FRK: variants seen among roughly 807,000 people sequenced by gnomAD.
FRK encodes the protein tyrosine-protein kinase FRK.
Under a neutral mutation model 56.4 loss-of-function variants are expected in FRK, and 51 were observed. The ratio of observed to expected loss-of-function variants is 0.90; its 90% CI spans 0.72 to 1.14. The LOEUF (loss-of-function observed/expected upper bound fraction) is 1.14. FRK is among the 50% of genes most tolerant of loss of function. The pLI is 0.00. For missense variants in FRK, 570 were observed against 601.4 expected (o/e 0.95, Z 0.55); for synonymous variants, 245 against 217.9 (o/e 1.12, Z -1.10).
intron 1 of FRK, among the ~76,000 whole-genome samples, chr6:116,058,312 G>C (rs1163276896): frequency 6.6e-6 from 1 of 152,094 alleles, no homozygotes; most frequent in Non-Finnish European, 1.5e-5. Flanking sequence ...TTTCCCACTT[G>C]ATAACTGATC....
the FRK span, among the ~76,000 whole-genome samples, chr6:116,070,833 A>T: frequency 6.6e-6 from 1 of 152,160 alleles, no homozygotes; most frequent in Non-Finnish European, 1.5e-5. Flanking sequence ...CTATGCCAAG[A>T]AATTGGATAG....
chr6:116,018,131 C>T (rs909019206), intron 1 of FRK, among the ~76,000 whole-genome samples: 3 of 152,166 alleles, frequency 2.0e-5, no homozygotes, highest in African/African-American at 7.2e-5. Flanking sequence ...AACCACTCCT[C>T]TTCCTCCTTT....
At chr6:115,973,980 A>T (rs547336756) in intron 2 of FRK, among the ~76,000 whole-genome samples, 2 of 152,318 alleles carry the variant, frequency 1.3e-5, no homozygotes, top group Admixed American at 1.3e-4. Context: ...GTAGAAGGAT[A>T]TCTAAATATA....
chr6:115,980,451 C>G (rs1774157390), intron 2 of FRK, among the ~76,000 whole-genome samples: 1 of 152,108 alleles, frequency 6.6e-6, no homozygotes, highest in African/African-American at 2.4e-5. Flanking sequence ...GAGCCCTGTA[C>G]TACTAAAGGA....
chr6:115,972,830 A>G (rs1018189401), intron 2 of FRK, among the ~76,000 whole-genome samples: 2 of 152,226 alleles, frequency 1.3e-5, no homozygotes, highest in African/African-American at 4.8e-5. Context: ...TATTAGGTCC[A>G]TTTTACTACT....
At chr6:115,976,963 A>C (rs986273152) in intron 2 of FRK, among the ~76,000 whole-genome samples, 1 of 152,152 alleles carries the variant, frequency 6.6e-6, no homozygotes, top group Non-Finnish European at 1.5e-5. Context: ...GTGGCTACCA[A>C]GCATATTAAG....
chr6:115,974,290 G>A (rs1032064724), intron 2 of FRK, among the ~76,000 whole-genome samples: 6 of 152,156 alleles, frequency 3.9e-5, no homozygotes, highest in African/African-American at 1.4e-4. Flanking sequence ...TGGCAGAGGG[G>A]TTAAAGTGTG....
At chr6:116,026,479 T>G (rs1483218183) in intron 1 of FRK, among the ~76,000 whole-genome samples, 1 of 109,498 alleles carries the variant, frequency 9.1e-6, no homozygotes, top group Non-Finnish European at 1.7e-5. Flanking sequence ...TAGAAAAACA[T>G]AAGTTGAACC....
intron 5 of FRK, among the ~76,000 whole-genome samples, chr6:115,945,207 A>G (rs1772374530): frequency 6.6e-6 from 1 of 152,144 alleles, no homozygotes; most frequent in African/African-American, 2.4e-5. Flanking sequence ...AAAATAATTT[A>G]TATTCCTTTG....
At chr6:116,068,977 C>T in the FRK span, among the ~76,000 whole-genome samples, 4 of 152,106 alleles carry the variant, frequency 2.6e-5, no homozygotes, top group African/African-American at 9.7e-5. Context: ...AGAGAACTTG[C>T]TTTCCAAAAA....
At chr6:116,006,183 C>T (rs1009502096) in intron 1 of FRK, among the ~76,000 whole-genome samples, 1 of 152,008 alleles carries the variant, frequency 6.6e-6, no homozygotes, top group Non-Finnish European at 1.5e-5. Flanking sequence ...AGAAAGACAA[C>T]ACAGTAGAAA....
At chr6:116,071,886 T>C in the FRK span, among the ~76,000 whole-genome samples, 1 of 152,130 alleles carries the variant, frequency 6.6e-6, no homozygotes, top group African/African-American at 2.4e-5. Flanking sequence ...GAGGTACAAA[T>C]CTAAAGAAGC....
At chr6:116,074,184 T>C in the FRK span, among the ~76,000 whole-genome samples, 1 of 152,242 alleles carries the variant, frequency 6.6e-6, no homozygotes, top group Non-Finnish European at 1.5e-5. Context: ...GAAATAATAC[T>C]GTTATATCCT....
At chr6:115,958,816 AAGAAAAAG>A (rs1490344615) in intron 4 of FRK, among the ~76,000 whole-genome samples, 9 of 87,802 alleles carry the variant, frequency 1.0e-4, no homozygotes, top group African/African-American at 1.9e-4. Flanking sequence ...GAAAGAAAGA[AAGAAAAAG>A]AAAGAAAGAA....
rs531642632 is a variant in FRK, at chr6:115,933,477, A to G, written c.*8937T>C. 3.2e-4 allele frequency: 49 copies of G among 152,342 alleles called. No homozygotes were observed. The highest frequency in any genetic ancestry group is 1.2e-3 in the African/African-American group (48 of 41,586). 9.4% of individuals were successfully genotyped at this position (152,342 alleles called of 1,614,324 possible). On this transcript the variant is annotated 3_prime_UTR_variant, in exon 8 of 8. Coordinates refer to ENST00000606080, the MANE Select transcript of FRK (RefSeq NM_002031.3). ...CATGATCCATCAGGTAAAAACAAGA[A>G]TAATAGATTGCTTTGACAGAACCTT... is the stretch of plus-strand genomic sequence containing the variant.
intron 5 of FRK, among the ~76,000 whole-genome samples, chr6:115,951,052 G>A (rs1184735737): frequency 6.6e-6 from 1 of 152,120 alleles, no homozygotes; most frequent in African/African-American, 2.4e-5. Flanking sequence ...ACAGCATTAG[G>A]AGAAATACCT....
intron 1 of FRK, among the ~76,000 whole-genome samples, chr6:116,050,123 C>A (rs565233851): frequency 6.6e-6 from 1 of 152,270 alleles, no homozygotes; most frequent in African/African-American, 2.4e-5. Flanking sequence ...TATCCTGGAC[C>A]TGGACTGGCA....
chr6:115,951,554 C>T (rs886786435), intron 5 of FRK, among the ~76,000 whole-genome samples: 1 of 151,716 alleles, frequency 6.6e-6, no homozygotes, highest in Non-Finnish European at 1.5e-5. Flanking sequence ...CATTAATTAC[C>T]CTCAATACTA....
intron 1 of FRK, among the ~76,000 whole-genome samples, chr6:116,026,041 T>G (rs1047915828): frequency 6.6e-6 from 1 of 152,168 alleles, no homozygotes; most frequent in Non-Finnish European, 1.5e-5. Flanking sequence ...AGCACCTTAA[T>G]ATCTCCTTGA....
Sources: gnomAD v4.1 joint callset for allele counts (sites outside exome capture counted in the v4.1 genomes callset) on GRCh38, gnomAD v4.1.1 for gene constraint, MANE v1.5 for transcripts, NCBI Gene and HGNC (gene_info 2026-07-23, HGNC 2026-07-21) for gene names.